SH3GLB1: variants seen among roughly 807,000 people sequenced by gnomAD.
SH3GLB1 encodes SH3 domain containing GRB2 like, endophilin B1.
A neutral mutation model predicts 42.0 loss-of-function variants in SH3GLB1; 17 were observed. The ratio of observed to expected loss-of-function variants is 0.40; its 90% CI spans 0.28 to 0.61. The LOEUF (loss-of-function observed/expected upper bound fraction) is 0.61, where lower values mean the gene tolerates loss of function less well. SH3GLB1 is among the 20% of genes least tolerant of loss of function. The probability of loss-of-function intolerance (pLI) is 0.36; values close to 1 mark genes in which losing one functional copy is unlikely to be tolerated. For missense variants in SH3GLB1, 355 were observed against 426.3 expected, an observed-to-expected ratio of 0.83 and a Z score of 1.47; for synonymous variants, 132 against 146.6, an observed-to-expected ratio of 0.90 and a Z score of 0.72.
chr1:86,743,840 A>G lies in SH3GLB1; in HGVS notation c.*605A>G, dbSNP rs1010651986. On this transcript the variant is annotated 3_prime_UTR_variant, in exon 9 of 9. Coordinates refer to ENST00000370558, the MANE Select transcript of SH3GLB1 (RefSeq NM_016009.5). ...TGTTTGGTTTTTTAAACACTACTGA[A>G]TGGTTTCTTTTAAATTTAAGAACAA... 1.5e-4 allele frequency: 23 copies of G among 152,632 alleles called. No homozygotes were observed. The highest frequency in any genetic ancestry group is 4.6e-4 in the African/African-American group (19 of 41,458). The allele number at this position is 152,632 out of a possible 1,614,324, so 9.5% of individuals were successfully genotyped here.
rs1187230916 is a variant in SH3GLB1 at position 86,742,194 on chromosome 1, T to C, written c.762-14T>C. On this transcript the variant is annotated splice_polypyrimidine_tract_variant and intron_variant, in intron 7 of 8. Coordinates refer to ENST00000370558, the MANE Select transcript of SH3GLB1 (RefSeq NM_016009.5). The stretch of plus-strand genomic sequence containing the variant: ...CACTTGGAAATAAATAATTCGCTGC[T>C]TTCTTTTCAACAGTTTTCCATCCAA... The C allele has an allele frequency of 1.9e-6, 3 of 1,604,992 alleles. No individual in the cohort carries two copies. The African/African-American group carries it at 4.0e-5, about 21-fold the overall frequency.
At chr1:86,705,527 T>C (rs371774052) in intron 1 of SH3GLB1, among the ~76,000 whole-genome samples, 2 of 152,196 alleles carry the variant, frequency 1.3e-5, no homozygotes, top group East Asian at 1.9e-4. Flanking sequence ...AGATCGCCAG[T>C]TGGCGTTGAG....
chr1:86,739,777 C>A (rs1391592952), intron 7 of SH3GLB1, among the ~76,000 whole-genome samples: 4 of 151,582 alleles, frequency 2.6e-5, no homozygotes, highest in Non-Finnish European at 5.9e-5. Context: ...AGAGTGATAC[C>A]CTAGAGAGGC....
intron 5 of SH3GLB1, chr1:86,730,176 T>C: frequency 3.2e-6 from 5 of 1,543,938 alleles, no homozygotes; most frequent in South Asian, 2.4e-5. Context: ...TCAGTAAATA[T>C]GTATTGGGCA....
intron 1 of SH3GLB1, among the ~76,000 whole-genome samples, chr1:86,710,295 C>T (rs1439635145): frequency 2.7e-5 from 4 of 149,748 alleles, no homozygotes; most frequent in East Asian, 3.9e-4. Flanking sequence ...GACGGAGTCT[C>T]GCCCTGTTGC....
At chr1:86,710,095 G>C (rs754750928) in intron 1 of SH3GLB1, among the ~76,000 whole-genome samples, 18 of 152,122 alleles carry the variant, frequency 1.2e-4, no homozygotes, top group Non-Finnish European at 1.5e-5. Context: ...TACATGTTTA[G>C]TGTTACTTAA....
In SH3GLB1 at chr1:86,716,362, C is replaced by T. The variant is rs143298599; in HGVS notation, c.214+497C>T. Among the ~76,000 whole-genome samples, 67 of 152,280 alleles carry T rather than the reference C, an allele frequency of 4.4e-4. 1 individual carries two copies. The East Asian group carries it at 0.013, about 29-fold the overall frequency. ...TGATCTTGGCTCACTGCAACCTCCA[C>T]CTCCCAGGTTGAAGCAATTCTTCTG... is the stretch of plus-strand genomic sequence containing the variant. On this transcript the variant is annotated intron_variant, in intron 2 of 8. Transcript: ENST00000370558.
chr1:86,724,011 A>G (rs77506644), intron 4 of SH3GLB1, among the ~76,000 whole-genome samples: 2,547 of 152,336 alleles, frequency 0.017, 37 homozygotes, highest in Middle Eastern at 0.065. Flanking sequence ...GGTATTGCCA[A>G]ATGTTCCCGA....
intron 1 of SH3GLB1, among the ~76,000 whole-genome samples, chr1:86,712,103 A>G (rs1300096343): frequency 6.6e-6 from 1 of 152,130 alleles, no homozygotes; most frequent in African/African-American, 2.4e-5. Flanking sequence ...TTTTACAATT[A>G]TATATTTAAG....
intron 1 of SH3GLB1, among the ~76,000 whole-genome samples, chr1:86,708,838 A>G (rs1048579058): frequency 6.6e-6 from 1 of 152,168 alleles, no homozygotes; most frequent in African/African-American, 2.4e-5. Flanking sequence ...TTATATAAAC[A>G]CTGTATTCCA....
rs1180565925 is a variant in SH3GLB1, at chr1:86,745,555, C to G, written c.*2320C>G. 1 of 152,184 alleles carries G rather than the reference C, an allele frequency of 6.6e-6. No individual in the cohort carries two copies. Among genetic ancestry groups the G allele is most frequent in the East Asian group, 1.9e-4 (1 of 5,206 alleles). 9.4% of individuals were successfully genotyped at this position (152,184 alleles called of 1,614,324 possible). ...TTTTTCAGAACTTTCAGCTTTCCAT[C>G]AAGTGAAAGTTGATTTTAGTTACCC... is the stretch of plus-strand genomic sequence containing the variant. On this transcript the variant is annotated 3_prime_UTR_variant, in exon 9 of 9. Transcript: ENST00000370558.
At chr1:86,710,874 G>A (rs1007320741) in intron 1 of SH3GLB1, among the ~76,000 whole-genome samples, 3 of 152,206 alleles carry the variant, frequency 2.0e-5, no homozygotes, top group Non-Finnish European at 4.4e-5. Context: ...AAATAGTTAT[G>A]AATGAGTTTA....
At chr1:86,733,090 T>G (rs1239435620) in intron 5 of SH3GLB1, among the ~76,000 whole-genome samples, 1 of 152,174 alleles carries the variant, frequency 6.6e-6, no homozygotes, top group Non-Finnish European at 1.5e-5. Context: ...GAACATTGCT[T>G]CTTTTTTTCT....
intron 5 of SH3GLB1, chr1:86,728,383 T>A (rs1294149769): frequency 7.8e-6 from 11 of 1,413,574 alleles, no homozygotes; most frequent in Non-Finnish European, 1.1e-5. Context: ...GTGTTCTTTG[T>A]CTCTTACTAT....
chr1:86,704,707 G>A lies in SH3GLB1; in HGVS notation c.-193G>A. On this transcript the variant is annotated 5_prime_UTR_variant, in exon 1 of 9. Coordinates refer to ENST00000370558, the MANE Select transcript of SH3GLB1 (RefSeq NM_016009.5). ...CCCATCCTTGGCGCTGCCGCCGCGC[G>A]CTTGTTCTCCTCCCTCGCCCCGCCT... The A allele has an allele frequency of 2.2e-6, 1 of 449,794 alleles. No individual in the cohort carries two copies. Among genetic ancestry groups the A allele is most frequent in the South Asian group, 2.9e-5 (1 of 34,070 alleles). The allele number at this position is 449,794 out of a possible 1,614,324, so 27.9% of individuals were successfully genotyped here.
intron 5 of SH3GLB1, among the ~76,000 whole-genome samples, chr1:86,727,591 T>G (rs1459892734): frequency 6.6e-6 from 1 of 152,016 alleles, no homozygotes; most frequent in African/African-American, 2.4e-5. Flanking sequence ...CTGAAACACT[T>G]CTGGTCCCAG....
Position 86,746,059 on chromosome 1 carries a change from G to A in SH3GLB1, c.*2824G>A, listed in dbSNP as rs1308400297. The A allele has an allele frequency of 6.6e-6, 1 of 152,596 alleles. No homozygotes were observed. The highest frequency in any genetic ancestry group is 1.5e-5 in the Non-Finnish European group (1 of 68,012). 9.5% of individuals were successfully genotyped at this position (152,596 alleles called of 1,614,324 possible). On this transcript the variant is annotated 3_prime_UTR_variant, in exon 9 of 9. Coordinates refer to ENST00000370558, the MANE Select transcript of SH3GLB1 (RefSeq NM_016009.5). ...CTAATCAGAAAAATTGATGTTGCAAGAAATGAGGTCTCAAAAATGGGAATG... is the reference window on the plus strand; with the variant it reads ...CTAATCAGAAAAATTGATGTTGCAAAAAATGAGGTCTCAAAAATGGGAATG...
chr1:86,705,234 T>G (rs959036876), intron 1 of SH3GLB1, among the ~76,000 whole-genome samples: 1 of 152,106 alleles, frequency 6.6e-6, no homozygotes, highest in African/African-American at 2.4e-5. Context: ...TGGGGAACAC[T>G]AAGGCTGCAC....
intron 5 of SH3GLB1, chr1:86,730,042 C>A: frequency 6.5e-7 from 1 of 1,529,604 alleles, no homozygotes; most frequent in South Asian, 1.2e-5. Flanking sequence ...AAATAAATTC[C>A]AACTTTCATG....
Sources: allele counts gnomAD v4.1 joint callset (sites outside exome capture counted in the v4.1 genomes callset), GRCh38; gene constraint gnomAD v4.1.1; transcripts MANE v1.5; gene names NCBI Gene and HGNC (gene_info 2026-07-23, HGNC 2026-07-21).